Variants in GAS2 observed in about 807,000 individuals in gnomAD.
The protein encoded by GAS2 is growth arrest-specific protein 2.
In GAS2, 20 loss-of-function variants were observed where a neutral mutation model predicts 37.5. That is an observed-to-expected ratio of 0.53 (90% CI 0.37 to 0.77). The LOEUF is 0.77. Among genes scored for constraint, GAS2 ranks in the 30% least tolerant of loss-of-function variants. The probability of loss-of-function intolerance (pLI) is 0.00; values close to 1 mark genes in which losing one functional copy is unlikely to be tolerated. For missense variants in GAS2, 336 were observed against 373.4 expected (o/e 0.90, Z 0.82); for synonymous variants, 144 against 132.2 (o/e 1.09, Z -0.61).
intron 7 of GAS2, among the ~76,000 whole-genome samples, chr11:22,777,470 G>A (rs770633123): frequency 3.3e-5 from 5 of 152,190 alleles, no homozygotes; most frequent in Non-Finnish European, 7.4e-5. Flanking sequence ...TAATGAGCTG[G>A]GTATTTTTCT....
At chr11:22,645,621 A>G (rs905690952) in intron 1 of GAS2, among the ~76,000 whole-genome samples, 1 of 152,058 alleles carries the variant, frequency 6.6e-6, no homozygotes, top group Non-Finnish European at 1.5e-5. Context: ...GTTGTTCTAA[A>G]TAATATTCTT....
At chr11:22,757,222 C>T (rs114832498) in intron 7 of GAS2, among the ~76,000 whole-genome samples, 1 of 152,124 alleles carries the variant, frequency 6.6e-6, no homozygotes, top group African/African-American at 2.4e-5. Context: ...TGTTTATTTG[C>T]ATCTGTGATT....
intron 7 of GAS2, among the ~76,000 whole-genome samples, chr11:22,772,812 T>C (rs1037102759): frequency 1.3e-5 from 2 of 152,178 alleles, no homozygotes; most frequent in Non-Finnish European, 2.9e-5. Context: ...AATGCATATA[T>C]AGAATGACAG....
At chr11:22,643,836 C>T (rs563372981) in intron 1 of GAS2, among the ~76,000 whole-genome samples, 1 of 152,002 alleles carries the variant, frequency 6.6e-6, no homozygotes, top group Admixed American at 6.5e-5. Context: ...ATATAAATAC[C>T]TGCCAGGAAG....
At chr11:22,783,062 C>T (rs78435954) in intron 7 of GAS2, among the ~76,000 whole-genome samples, 4,884 of 152,200 alleles carry the variant, frequency 0.032, 239 homozygotes, top group African/African-American at 0.11. Flanking sequence ...ACATACCTCA[C>T]CAACAGTGTG....
At chr11:22,725,606 T>G (rs1442815065) in intron 3 of GAS2, among the ~76,000 whole-genome samples, 1 of 152,038 alleles carries the variant, frequency 6.6e-6, no homozygotes, top group Non-Finnish European at 1.5e-5. Flanking sequence ...TTACTTTTAT[T>G]TGTAGAGATA....
chr11:22,811,481 G>A (rs763975968), intron 7 of GAS2, among the ~76,000 whole-genome samples: 1 of 152,144 alleles, frequency 6.6e-6, no homozygotes, highest in Non-Finnish European at 1.5e-5. Flanking sequence ...ACCAGAGGCA[G>A]TAATAAGAAC....
At chr11:22,762,216 A>G (rs995768347) in intron 7 of GAS2, among the ~76,000 whole-genome samples, 21 of 152,196 alleles carry the variant, frequency 1.4e-4, no homozygotes, top group Non-Finnish European at 2.9e-4. Flanking sequence ...TTTACCTTCA[A>G]ATTCCATTTG....
chr11:22,660,422 A>G (rs973217781), intron 1 of GAS2, among the ~76,000 whole-genome samples: 2 of 152,250 alleles, frequency 1.3e-5, no homozygotes, highest in East Asian at 3.8e-4. Flanking sequence ...ACATTCATTT[A>G]AAACTTGCTA....
chr11:22,675,069 TTCCTCCTGTAGTG>T, intron 2 of GAS2, 55 bp downstream of exon 2: 1 of 1,577,834 alleles, frequency 6.3e-7, no homozygotes, highest in Non-Finnish European at 8.6e-7. Flanking sequence ...TGTTTTATTT[TTCCTCCTGTAGTG>T]TCCTTCACCT....
At chr11:22,686,369 A>G (rs897154567) in intron 3 of GAS2, among the ~76,000 whole-genome samples, 1 of 151,998 alleles carries the variant, frequency 6.6e-6, no homozygotes, top group Non-Finnish European at 1.5e-5. Flanking sequence ...GAAGAAAACA[A>G]GAGAGATTGT....
intron 3 of GAS2, among the ~76,000 whole-genome samples, chr11:22,721,128 AT>A (rs947762306): frequency 2.0e-5 from 3 of 151,956 alleles, no homozygotes; most frequent in Non-Finnish European, 2.9e-5. Context: ...TTTTTTGAGA[AT>A]TAAATGGGAC....
rs12226525 is a variant in GAS2 at position 22,653,618 on chromosome 11, T to C, written c.-20-21232T>C. Reference sequence around the variant, plus strand: ...ACTTTTAAACCTGTACTATAGGCTATACTCTACTCTAGTGATATAATAATG... The same window carrying C: ...ACTTTTAAACCTGTACTATAGGCTACACTCTACTCTAGTGATATAATAATG... On this transcript the variant is annotated intron_variant, in intron 1 of 5. Coordinates refer to the GAS2 transcript ENST00000528582. Among the ~76,000 whole-genome samples, 576 of 152,364 alleles carry C rather than the reference T, an allele frequency of 3.8e-3. 16 individuals carry two copies. The East Asian group carries it at 0.077, about 20-fold the overall frequency.
At chr11:22,721,968 C>T (rs1851972048) in intron 3 of GAS2, among the ~76,000 whole-genome samples, 2 of 151,870 alleles carry the variant, frequency 1.3e-5, no homozygotes, top group Admixed American at 6.6e-5. Context: ...AATTTGCACC[C>T]CCATACACAT....
At chr11:22,664,797 A>G (rs947897960), upstream of GAS2, among the ~76,000 whole-genome samples, 1 of 152,162 alleles carries the variant, frequency 6.6e-6, no homozygotes, top group South Asian at 2.1e-4. Flanking sequence ...GGGAATTTTT[A>G]CATATGCTAA....
intron 5 of GAS2, 81 bp from the exon 6 acceptor site, chr11:22,749,039 G>C (rs17306209): frequency 0.071 from 91,609 of 1,290,620 alleles, 3,682 homozygotes; most frequent in Middle Eastern, 0.13. Context: ...TTACTCCCAT[G>C]GTGCTCATCA....
chr11:22,747,539 AC>A (rs1853476803), intron 5 of GAS2, among the ~76,000 whole-genome samples: 1 of 152,130 alleles, frequency 6.6e-6, no homozygotes, highest in African/African-American at 2.4e-5. Context: ...AGGGCTCCTA[AC>A]ACATAGCACC....
intron 2 of GAS2, among the ~76,000 whole-genome samples, chr11:22,680,202 G>A (rs189232565): frequency 1.3e-5 from 2 of 152,184 alleles, no homozygotes; most frequent in Non-Finnish European, 2.9e-5. Flanking sequence ...CCTTAGGACA[G>A]ATGGTATCTT....
In GAS2 at chr11:22,674,995, G is replaced by T. The variant is rs1021489152; in HGVS notation, c.126G>T (p.Leu42Phe). ...TACCAATGAAAGAAGATCTGGCCTT[G>T]TGGTTAACCAATCTATTAGGTAAGG... ...NLLPMKEDLALWLTNLLGKEI... is the reference protein window; with the variant it reads ...NLLPMKEDLAFWLTNLLGKEI... The change falls in exon 2 of 8, where the codon TTG becomes TTT. Residue 42 changes from leucine to phenylalanine, a missense_variant. By Grantham distance (22) the Leu-to-Phe change is conservative. Transcript: ENST00000454584. 1 of 1,613,698 alleles carries T rather than the reference G, an allele frequency of 6.2e-7. No homozygotes were observed. The highest frequency in any genetic ancestry group is 2.2e-5 in the East Asian group (1 of 44,878).
Sources: allele counts gnomAD v4.1 joint callset (sites outside exome capture counted in the v4.1 genomes callset), GRCh38; gene constraint gnomAD v4.1.1; transcripts MANE v1.5; gene names NCBI Gene and HGNC (gene_info 2026-07-23, HGNC 2026-07-21).